The following CNN3 variants were observed in gnomAD, a reference collection of about 807,000 sequenced individuals.
The protein encoded by CNN3 is calponin 3.
A neutral mutation model predicts 39.0 loss-of-function variants in CNN3; 11 were observed. The ratio of observed to expected loss-of-function variants is 0.28; its 90% CI spans 0.18 to 0.47. CNN3 has a LOEUF of 0.47. Among genes scored for constraint, CNN3 ranks in the 20% least tolerant of loss-of-function variants. The pLI, the probability that CNN3 is intolerant of heterozygous loss-of-function variation, is 0.99. For missense variants in CNN3, 266 were observed against 403.4 expected (o/e 0.66, Z 2.92); for synonymous variants, 101 against 138.3 (o/e 0.73, Z 1.89).
In CNN3 at chr1:94,918,512, A is replaced by C. The variant is rs1325092586; in HGVS notation, c.57+8326T>G. ...GTCTCCCAAAAAAAATAAAATAAAAAAAAAAAAAGTCGGCAAGGGGTGGGA... is the reference window on the plus strand; with the variant it reads ...GTCTCCCAAAAAAAATAAAATAAAACAAAAAAAAGTCGGCAAGGGGTGGGA... On this transcript the variant is annotated intron_variant, in intron 1 of 6. Transcript: ENST00000370206. 2.1e-5 allele frequency among the ~76,000 whole-genome samples: 3 copies of C among 144,778 alleles called. No homozygotes were observed. In the Admixed American group the frequency reaches 2.1e-4, roughly 10 times the overall value. The allele number at this position is 144,778 out of a possible 152,430, so 95.0% of individuals were successfully genotyped here. A position where few individuals can be genotyped will look rare whatever the true frequency, so the allele number is the denominator to read the frequency against.
chr1:94,897,702 A>G lies in CNN3; in HGVS notation c.*40T>C, dbSNP rs192297808. The G allele has an allele frequency of 4.9e-4, 770 of 1,557,700 alleles. 3 individuals are homozygous for G. The highest frequency in any genetic ancestry group is 1.7e-4 in the Non-Finnish European group (188 of 1,138,992). ...AAGGCTAGCTTGGTTCTCACTGAAT[A>G]AAAACAAAGGACTAAATACTGAGCT... On this transcript the variant is annotated 3_prime_UTR_variant, in exon 7 of 7. Coordinates refer to ENST00000370206, the MANE Select transcript of CNN3 (RefSeq NM_001839.5).
intron 1 of CNN3, among the ~76,000 whole-genome samples, chr1:94,908,966 G>C (rs1671088699): frequency 7.0e-6 from 1 of 143,136 alleles, no homozygotes; most frequent in South Asian, 2.4e-4. Context: ...GCAATATAGG[G>C]AGCCCGTCTC....
rs891707270 is a variant in CNN3 at position 94,908,259 on chromosome 1, C to T, written c.58-4735G>A. Among the ~76,000 whole-genome samples, 19 of 152,338 alleles carry T rather than the reference C, an allele frequency of 1.2e-4. 1 individual carries two copies. Among genetic ancestry groups the T allele is most frequent in the African/African-American group, 4.6e-4 (19 of 41,576 alleles). On this transcript the variant is annotated intron_variant, in intron 1 of 6. Coordinates refer to ENST00000370206, the MANE Select transcript of CNN3 (RefSeq NM_001839.5). ...AGGGCATAGGATACAGCTGATCCTC[C>T]TCCCTACATTCAGCGATTGGCCTGC...
chr1:94,899,145 T>A (rs1670797424), intron 6 of CNN3, among the ~76,000 whole-genome samples: 1 of 152,152 alleles, frequency 6.6e-6, no homozygotes, highest in East Asian at 1.9e-4. Context: ...TTCTGCTGGC[T>A]AGGTAGAAAG....
At chr1:94,917,067 G>A (rs547424284) in intron 1 of CNN3, among the ~76,000 whole-genome samples, 238 of 152,094 alleles carry the variant, frequency 1.6e-3, no homozygotes, top group African/African-American at 5.5e-3. Context: ...ATGGAATTTC[G>A]CTCTTGTTGC....
intron 1 of CNN3, among the ~76,000 whole-genome samples, chr1:94,915,869 T>A (rs1392682939): frequency 6.6e-6 from 1 of 152,168 alleles, no homozygotes; most frequent in Non-Finnish European, 1.5e-5. Context: ...CTATTTCAGA[T>A]GAAAAGAGGA....
At chr1:94,919,234 A>G (rs1243531690) in intron 1 of CNN3, among the ~76,000 whole-genome samples, 1 of 152,206 alleles carries the variant, frequency 6.6e-6, no homozygotes, top group African/African-American at 2.4e-5. Context: ...GAATGGAACC[A>G]TTCAGGGGAA....
At chr1:94,914,832 T>C (rs777599874) in intron 1 of CNN3, among the ~76,000 whole-genome samples, 2 of 152,096 alleles carry the variant, frequency 1.3e-5, no homozygotes, top group African/African-American at 2.4e-5. Context: ...TTTTCCCCAA[T>C]GAAAATGAGA....
chr1:94,916,116 T>A (rs1411339854), intron 1 of CNN3, among the ~76,000 whole-genome samples: 1 of 152,166 alleles, frequency 6.6e-6, no homozygotes, highest in Admixed American at 6.5e-5. Flanking sequence ...TGTCATTTAT[T>A]TCATGCCAAG....
chr1:94,899,014 T>A (rs545132881), intron 6 of CNN3, among the ~76,000 whole-genome samples: 1 of 151,988 alleles, frequency 6.6e-6, no homozygotes, highest in South Asian at 2.1e-4. Flanking sequence ...TCCTTCTTAG[T>A]GGAACACCAG....
chr1:94,910,858 G>T (rs924816190), intron 1 of CNN3, among the ~76,000 whole-genome samples: 1 of 152,114 alleles, frequency 6.6e-6, no homozygotes, highest in African/African-American at 2.4e-5. Flanking sequence ...ACTGCAACTT[G>T]TTCAATCCAT....
intron 1 of CNN3, among the ~76,000 whole-genome samples, chr1:94,915,849 A>T (rs960995206): frequency 2.0e-5 from 3 of 152,142 alleles, no homozygotes; most frequent in African/African-American, 7.2e-5. Context: ...TCAGGAGCAA[A>T]GTGACACCCC....
intron 1 of CNN3, among the ~76,000 whole-genome samples, chr1:94,909,658 A>G (rs1671105249): frequency 6.6e-6 from 1 of 152,208 alleles, no homozygotes; most frequent in Non-Finnish European, 1.5e-5. Flanking sequence ...AGCAGATACA[A>G]GCCTACCAGC....
chr1:94,901,766 T>G lies in CNN3; in HGVS notation c.404A>C (p.His135Pro). Reference protein sequence around the residue: ...LAGLAKTKGFHTTIDIGVKYA... With the variant: ...LAGLAKTKGFPTTIDIGVKYA... ...CTTAACTCCAATGTCAATGGTTGTA[T>G]GGAATCCTTTTGTTTTAGCCTAGAC... The change falls in exon 5 of 7, where the codon CAT becomes CCT. Residue 135 changes from histidine to proline, a missense_variant. Transcript: ENST00000370206. 1.2e-6 allele frequency: 2 copies of G among 1,613,690 alleles called. No homozygotes were observed. The highest frequency in any genetic ancestry group is 4.5e-5 in the East Asian group (2 of 44,862).
chr1:94,903,456 C>G lies in CNN3; in HGVS notation c.126G>C (p.Met42Ile). The change falls in exon 2 of 7, where the codon ATG becomes ATC. Residue 42 changes from methionine to isoleucine, a missense_variant. Physicochemically the swap from Met to Ile is conservative, Grantham distance 10. Transcript: ENST00000370206. ...LRNWIEEVTGMSIGPNFQLGL... is the reference protein window; with the variant it reads ...LRNWIEEVTGISIGPNFQLGL... ...CCAGCTGGAAGTTGGGGCCAATGCT[C>G]ATGCCTGTCACCTCTTCTATCCAAT... 1 of 1,612,606 alleles carries G rather than the reference C, an allele frequency of 6.2e-7. No homozygotes were observed. The highest frequency in any genetic ancestry group is 8.5e-7 in the Non-Finnish European group (1 of 1,179,414).
intron 1 of CNN3, among the ~76,000 whole-genome samples, chr1:94,914,369 G>T (rs1159187696): frequency 6.6e-6 from 1 of 152,144 alleles, no homozygotes; most frequent in African/African-American, 2.4e-5. Context: ...CTCAAGGAAG[G>T]CATGAAATCC....
intron 1 of CNN3, among the ~76,000 whole-genome samples, chr1:94,904,612 C>T (rs377335986): frequency 2.6e-5 from 4 of 152,100 alleles, no homozygotes; most frequent in South Asian, 2.1e-4. Context: ...CTGGGCTTGA[C>T]GATGCATGCC....
chr1:94,903,321 C>G, intron 2 of CNN3, 82 bp downstream of exon 2: 5 of 1,544,428 alleles, frequency 3.2e-6, no homozygotes, highest in Non-Finnish European at 4.4e-6. Context: ...GTCTGACACC[C>G]TGGGCTGAGA....
intron 1 of CNN3, among the ~76,000 whole-genome samples, chr1:94,905,864 A>G (rs990197111): frequency 9.9e-5 from 15 of 152,264 alleles, no homozygotes; most frequent in African/African-American, 3.1e-4. Flanking sequence ...CCCTGCCTCC[A>G]TTACTCCTAT....
Sources: gnomAD v4.1 joint callset for allele counts (sites outside exome capture counted in the v4.1 genomes callset) on GRCh38, gnomAD v4.1.1 for gene constraint, MANE v1.5 for transcripts, NCBI Gene and HGNC (gene_info 2026-07-23, HGNC 2026-07-21) for gene names.